The following MYO1B variants were observed in gnomAD, a reference collection of about 807,000 sequenced individuals.
The protein encoded by MYO1B is myosin IB, also known as unconventional myosin-Ib.
A neutral mutation model predicts 159.7 loss-of-function variants in MYO1B; 72 were observed. The observed-to-expected ratio is 0.45, with a 90% confidence interval of 0.37 to 0.55. The LOEUF is 0.55. MYO1B is among the 20% of genes least tolerant of loss of function. The pLI is 0.00. For missense variants in MYO1B, 1,062 were observed against 1,364.8 expected (o/e 0.78, Z 3.50); for synonymous variants, 468 against 473.8 (o/e 0.99, Z 0.16).
At chr2:191,421,226 C>G (rs537586248) in intron 30 of MYO1B, among the ~76,000 whole-genome samples, 8 of 151,258 alleles carry the variant, frequency 5.3e-5, no homozygotes, top group African/African-American at 9.7e-5. Flanking sequence ...TGCACCACCA[C>G]GCCCTGCTAA....
chr2:191,265,014 T>C (rs1687047338), intron 1 of MYO1B, among the ~76,000 whole-genome samples: 1 of 152,062 alleles, frequency 6.6e-6, no homozygotes, highest in Non-Finnish European at 1.5e-5. Context: ...TGGATGTTTT[T>C]TCCAGAACCA....
chr2:191,353,566 A>G (rs1250822561), intron 7 of MYO1B, among the ~76,000 whole-genome samples: 1 of 152,220 alleles, frequency 6.6e-6, no homozygotes, highest in Non-Finnish European at 1.5e-5. Context: ...TACCTGACAC[A>G]GCAGGTGTGT....
At chr2:191,279,645 A>G (rs1687938126) in intron 2 of MYO1B, among the ~76,000 whole-genome samples, 1 of 152,028 alleles carries the variant, frequency 6.6e-6, no homozygotes, top group Non-Finnish European at 1.5e-5. Context: ...GCCTTTGTTC[A>G]TGGGTTGCTG....
chr2:191,343,990 A>G (rs1231641147), intron 5 of MYO1B, among the ~76,000 whole-genome samples: 2 of 152,208 alleles, frequency 1.3e-5, no homozygotes, highest in African/African-American at 4.8e-5. Context: ...GTGTTTAGTA[A>G]TGTGCAACTC....
chr2:191,330,488 T>C (rs1190904295), intron 4 of MYO1B, among the ~76,000 whole-genome samples: 1 of 152,204 alleles, frequency 6.6e-6, no homozygotes, highest in Non-Finnish European at 1.5e-5. Context: ...AATTGAGATT[T>C]TTATATGTAT....
At chr2:191,399,675 CACTG>C (rs1346784038) in intron 21 of MYO1B, among the ~76,000 whole-genome samples, 3 of 152,208 alleles carry the variant, frequency 2.0e-5, no homozygotes, top group Non-Finnish European at 2.9e-5. Flanking sequence ...AGTCCAGCAA[CACTG>C]ACTGACCTTG....
intron 8 of MYO1B, among the ~76,000 whole-genome samples, chr2:191,361,804 C>T (rs1693689763): frequency 6.6e-6 from 1 of 151,860 alleles, no homozygotes; most frequent in Non-Finnish European, 1.5e-5. Context: ...ACTTTTTGGA[C>T]TATATTCCAA....
intron 24 of MYO1B, 57 bp from the exon 25 acceptor site, chr2:191,408,058 T>C: frequency 8.5e-7 from 1 of 1,172,762 alleles, no homozygotes; most frequent in South Asian, 1.3e-5. Context: ...AGGTGTATCA[T>C]TATGGACCTG....
intron 7 of MYO1B, among the ~76,000 whole-genome samples, chr2:191,359,227 A>C (rs1231375431): frequency 6.6e-6 from 1 of 151,574 alleles, no homozygotes; most frequent in Non-Finnish European, 1.5e-5. Context: ...AATTGACTGA[A>C]ACATTCCATT....
intron 3 of MYO1B, among the ~76,000 whole-genome samples, chr2:191,305,662 C>G (rs538760538): frequency 6.6e-6 from 1 of 152,126 alleles, no homozygotes; most frequent in Admixed American, 6.5e-5. Context: ...AGGGAGAAAG[C>G]AGCCATAAAA....
Position 191,409,270 on chromosome 2 carries a change from TC to T in MYO1B, c.2766+94del, listed in dbSNP as rs558358632. ...AAAATCAAAACTGTTAACACATTCT[TC>T]CTTTGCCTCAAAGAGGATTACTTGA... On this transcript the variant is annotated intron_variant, in intron 26 of 30. Coordinates refer to ENST00000392318, the MANE Select transcript of MYO1B (RefSeq NM_001130158.3). 1,774 of 1,363,480 alleles carry T rather than the reference TC, an allele frequency of 1.3e-3. 16 individuals are homozygous for T. The highest frequency in any genetic ancestry group is 9.1e-3 in the Admixed American group (426 of 46,800). 84.5% of individuals were successfully genotyped at this position (1,363,480 alleles called of 1,614,324 possible). A position where few individuals can be genotyped will look rare whatever the true frequency, so the allele number is the denominator to read the frequency against.
intron 3 of MYO1B, among the ~76,000 whole-genome samples, chr2:191,308,490 T>C (rs1689788567): frequency 6.6e-6 from 1 of 152,200 alleles, no homozygotes; most frequent in Admixed American, 6.5e-5. Context: ...ATTTGAGTGT[T>C]GTGTGCCCAG....
At chr2:191,309,641 G>C (rs1324911257) in intron 3 of MYO1B, among the ~76,000 whole-genome samples, 2 of 152,140 alleles carry the variant, frequency 1.3e-5, no homozygotes, top group African/African-American at 4.8e-5. Flanking sequence ...CAGCCACGCT[G>C]TCCTCCTTGC....
At chr2:191,310,951 A>G (rs1003699444) in intron 3 of MYO1B, among the ~76,000 whole-genome samples, 2 of 152,216 alleles carry the variant, frequency 1.3e-5, no homozygotes, top group African/African-American at 4.8e-5. Context: ...TTACAACAGA[A>G]TTTCTAGTTG....
intron 2 of MYO1B, 25 bp from the exon 3 acceptor site, chr2:191,296,086 G>A: frequency 7.3e-7 from 1 of 1,367,142 alleles, no homozygotes; most frequent in Non-Finnish European, 1.0e-6. Flanking sequence ...TAACTAATGG[G>A]CATGTTTTGT....
At chr2:191,354,509 G>A (rs1351372007) in intron 7 of MYO1B, among the ~76,000 whole-genome samples, 1 of 151,668 alleles carries the variant, frequency 6.6e-6, no homozygotes, top group Non-Finnish European at 1.5e-5. Context: ...GAGTTCTCTT[G>A]TTCCTGACTT....
At position 191,342,996 on chromosome 2, in the gene MYO1B, T is replaced by C. The variant is rs75330439; in HGVS notation, c.451+1431T>C. Among the ~76,000 whole-genome samples, 8 of 152,318 alleles carry C rather than the reference T, an allele frequency of 5.3e-5. No homozygotes were observed. The East Asian group carries it at 1.5e-3, about 29-fold the overall frequency. On this transcript the variant is annotated intron_variant, in intron 5 of 30. Transcript: ENST00000392318. ...GAGTAAGGTTTCTCAGCCTCAGCAG[T>C]GTTGGACTGCTTACATGTTGCTGTG... is the stretch of plus-strand genomic sequence containing the variant.
chr2:191,353,332 T>C (rs1304544164), intron 7 of MYO1B, among the ~76,000 whole-genome samples: 1 of 152,196 alleles, frequency 6.6e-6, no homozygotes, highest in African/African-American at 2.4e-5. Flanking sequence ...CTGGAAGCTT[T>C]TGGAAACTAG....
intron 4 of MYO1B, among the ~76,000 whole-genome samples, chr2:191,332,792 G>T (rs1013505922): frequency 6.6e-6 from 1 of 152,142 alleles, no homozygotes; most frequent in Admixed American, 6.5e-5. Flanking sequence ...CTGCATCTCT[G>T]TACCTTGAAC....
Sources: gnomAD v4.1 joint callset for allele counts (sites outside exome capture counted in the v4.1 genomes callset) on GRCh38, gnomAD v4.1.1 for gene constraint, MANE v1.5 for transcripts, NCBI Gene and HGNC (gene_info 2026-07-23, HGNC 2026-07-21) for gene names.